The following UBR4 variants were observed in gnomAD, a reference collection of about 807,000 sequenced individuals.
UBR4 encodes the protein ubiquitin protein ligase E3 component n-recognin 4.
Under a neutral mutation model 575.6 loss-of-function variants are expected in UBR4, and 124 were observed. The ratio of observed to expected loss-of-function variants is 0.22; its 90% CI spans 0.19 to 0.25. The LOEUF is 0.25. UBR4 is among the 10% of genes least tolerant of loss of function. UBR4 has a pLI of 1.00. For synonymous variants in UBR4, 2,455 were observed against 2,473.7 expected (o/e 0.99, Z 0.22); for missense variants, 4,818 against 6,478.8 (o/e 0.74, Z 8.80).
At chr1:19,147,891 T>C (rs2085088070) in intron 51 of UBR4, 102 bp downstream of exon 51, 2 of 1,498,518 alleles carry the variant, frequency 1.3e-6, no homozygotes, top group Non-Finnish European at 1.8e-6. Context: ...AATGCTATCC[T>C]CCCTCTACCT....
At chr1:19,193,263 A>G (rs1041497259) in intron 9 of UBR4, among the ~76,000 whole-genome samples, 170 bp downstream of exon 9, 6 of 152,190 alleles carry the variant, frequency 3.9e-5, no homozygotes, top group African/African-American at 1.4e-4. Context: ...AGATCAACCA[A>G]TATACCAAAT....
At position 19,150,646 on chromosome 1, in the gene UBR4, T is replaced by A. The variant is rs2085546857; in HGVS notation, c.7361A>T (p.Asn2454Ile). The change falls in exon 49 of 106, where the codon AAC becomes ATC. Residue 2454 changes from asparagine to isoleucine, a missense_variant. Asn to Ile is a moderately radical substitution (Grantham distance 149). This residue lies in a region of UBR4 where 340 missense variants were observed against 375.4 expected (regional missense o/e 0.91). Coordinates refer to ENST00000375254, the MANE Select transcript of UBR4 (RefSeq NM_020765.3). ...SVSNICPSNL[N>I]QSNGTGDSDS... ...GCTATCTCCAGTGCCGTTGCTCTGGTTCAGATTTGAAGGGCAGATGTTGCT... is the reference window on the plus strand; with the variant it reads ...GCTATCTCCAGTGCCGTTGCTCTGGATCAGATTTGAAGGGCAGATGTTGCT... 1 of 1,613,832 alleles carries A rather than the reference T, an allele frequency of 6.2e-7. No individual in the cohort carries two copies. Among genetic ancestry groups the A allele is most frequent in the Admixed American group, 1.7e-5 (1 of 59,982 alleles).
Position 19,152,219 on chromosome 1 carries a change from T to A in UBR4, c.6996+94A>T. 6.6e-7 allele frequency: 1 copy of A among 1,523,576 alleles called. No individual in the cohort carries two copies. The highest frequency in any genetic ancestry group is 9.0e-7 in the Non-Finnish European group (1 of 1,114,550). 94.4% of individuals were successfully genotyped at this position (1,523,576 alleles called of 1,614,324 possible). On this transcript the variant is annotated intron_variant, in intron 47 of 105. Coordinates refer to ENST00000375254, the MANE Select transcript of UBR4 (RefSeq NM_020765.3). The surrounding 1 kb of genome is among the most constrained non-coding windows in gnomAD (Gnocchi z 4.4). ...GAGGGTTGTGACTGTGAGTATATAC[T>A]CTATACTTGCTTTCTAAAAGGAGAT...
At position 19,122,863 on chromosome 1, in the gene UBR4, G is replaced by C; in HGVS notation, c.9786C>G (p.Ser3262=). The C allele has an allele frequency of 1.9e-6, 3 of 1,614,222 alleles. No individual in the cohort carries two copies. In the Admixed American group the frequency reaches 5.0e-5, roughly 27 times the overall value. ...RASVVTASSG[S]ALQYDTLISL... ...TGATGAGTGTGTCATATTGCAAGGCGGAGCCTGAGCTGGCTGTAACCACAC... is the reference window on the plus strand; with the variant it reads ...TGATGAGTGTGTCATATTGCAAGGCCGAGCCTGAGCTGGCTGTAACCACAC... The change falls in exon 66 of 106, where the codon TCC becomes TCG. Residue 3262 remains serine, a synonymous_variant. Coordinates refer to ENST00000375254, the MANE Select transcript of UBR4 (RefSeq NM_020765.3).
At chr1:19,119,816 G>A (rs779211314) in intron 69 of UBR4, 115 bp from the exon 70 acceptor site, 23 of 1,372,924 alleles carry the variant, frequency 1.7e-5, no homozygotes, top group South Asian at 4.2e-5. Context: ...AAGTTTGAAC[G>A]GTTTTGTTTC....
chr1:19,096,744 G>T, intron 91 of UBR4, 94 bp from the exon 92 acceptor site: 1 of 1,514,612 alleles, frequency 6.6e-7, no homozygotes, highest in Non-Finnish European at 8.9e-7. Context: ...CTGGCTGATG[G>T]CTGACAGCCC....
intron 97 of UBR4, among the ~76,000 whole-genome samples, chr1:19,091,450 G>GA (rs2077503865): frequency 6.6e-6 from 1 of 152,018 alleles, no homozygotes; most frequent in South Asian, 2.1e-4. Context: ...ACTACAAACA[G>GA]AAAAAACGCA....
intron 25 of UBR4, among the ~76,000 whole-genome samples, chr1:19,171,982 T>C (rs1277355173): frequency 6.6e-6 from 1 of 152,220 alleles, no homozygotes. Flanking sequence ...TACTGTTGTT[T>C]GGGAAGTCAG....
At chr1:19,174,537 C>T (rs1406468889) in intron 21 of UBR4, 90 bp from the exon 22 acceptor site, 28 of 1,473,390 alleles carry the variant, frequency 1.9e-5, no homozygotes, top group Admixed American at 2.3e-5. Flanking sequence ...TCATGATTGA[C>T]AAAATATCCC....
At chr1:19,148,504 A>T in intron 50 of UBR4, 59 bp downstream of exon 50, 3 of 1,604,960 alleles carry the variant, frequency 1.9e-6, no homozygotes, top group Non-Finnish European at 2.6e-6. Context: ...GCCTCGGGCA[A>T]CTCCACTGAC....
chr1:19,117,838 C>T lies in UBR4; in HGVS notation c.10614G>A (p.Pro3538=), dbSNP rs759129438. The T allele has an allele frequency of 2.6e-5, 42 of 1,614,080 alleles. No individual in the cohort carries two copies. The highest frequency in any genetic ancestry group is 3.0e-5 in the Non-Finnish European group (35 of 1,180,028). The change falls in exon 72 of 106, where the codon CCG becomes CCA. Residue 3538 remains proline, a synonymous_variant. Coordinates refer to ENST00000375254, the MANE Select transcript of UBR4 (RefSeq NM_020765.3). The surrounding 1 kb of genome is among the most constrained non-coding windows in gnomAD (Gnocchi z 4.0). ...TGTTACTTACACAGAACGGTACTTC[C>T]GGGTTATTACACACCAGGCAGGGAT... The part of the protein sequence containing the change: ...ESDPCLVCNN[P]EVPFCYIKLS...
chr1:19,140,701 C>T, intron 58 of UBR4, 87 bp downstream of exon 58: 1 of 1,332,958 alleles, frequency 7.5e-7, no homozygotes, highest in Non-Finnish European at 1.0e-6. Flanking sequence ...CCTGTCAAAG[C>T]AGCTGCCCAT....
intron 81 of UBR4, among the ~76,000 whole-genome samples, chr1:19,108,474 G>A (rs2079479035): frequency 6.6e-6 from 1 of 152,156 alleles, no homozygotes; most frequent in South Asian, 2.1e-4. Context: ...CACAACTGCT[G>A]TACTTGGGGT....
At chr1:19,131,567 G>A (rs1456811048) in intron 60 of UBR4, among the ~76,000 whole-genome samples, 2 of 152,038 alleles carry the variant, frequency 1.3e-5, no homozygotes, top group Admixed American at 1.3e-4. Context: ...TGAGTCTCAA[G>A]AGATTTCAAA....
At chr1:19,105,243 G>A in intron 84 of UBR4, 54 bp from the exon 85 acceptor site, 2 of 1,557,888 alleles carry the variant, frequency 1.3e-6, no homozygotes, top group East Asian at 2.3e-5. Flanking sequence ...ATTTCGAACA[G>A]CTCCAAGGCT....
At chr1:19,200,208 G>A (rs2092677633) in intron 2 of UBR4, among the ~76,000 whole-genome samples, 1 of 151,512 alleles carries the variant, frequency 6.6e-6, no homozygotes, top group Admixed American at 6.6e-5. Context: ...GGGCTACACT[G>A]GAAGAATTGT....
At chr1:19,102,428 A>G (rs1570484295) in intron 87 of UBR4, among the ~76,000 whole-genome samples, 1 of 152,238 alleles carries the variant, frequency 6.6e-6, no homozygotes, top group East Asian at 1.9e-4. Flanking sequence ...AAAAAGGTAA[A>G]GGTCCCTGAC....
At chr1:19,135,112 A>C (rs926664311) in intron 60 of UBR4, among the ~76,000 whole-genome samples, 3 of 152,222 alleles carry the variant, frequency 2.0e-5, no homozygotes, top group African/African-American at 7.2e-5. Flanking sequence ...GATCAAGTCA[A>C]GATTCATTTT....
intron 100 of UBR4, 141 bp downstream of exon 100, chr1:19,086,538 G>C: frequency 7.8e-7 from 1 of 1,282,990 alleles, no homozygotes; most frequent in Middle Eastern, 2.8e-4. Flanking sequence ...ACTGCTTGGG[G>C]ACCTATATGG....
Sources: allele counts gnomAD v4.1 joint callset (sites outside exome capture counted in the v4.1 genomes callset), GRCh38; gene constraint gnomAD v4.1.1; regional missense constraint gnomAD v4.1.1; non-coding constraint Gnocchi (gnomAD v3.1); transcripts MANE v1.5; gene names NCBI Gene and HGNC (gene_info 2026-07-23, HGNC 2026-07-21).